The following CHD7 variants were observed in gnomAD, a reference collection of about 807,000 sequenced individuals.
The protein encoded by CHD7 is ATP-dependent chromatin remodeler CHD7.
Under a neutral mutation model 307.3 loss-of-function variants are expected in CHD7, and 24 were observed. The observed-to-expected ratio is 0.08, with a 90% confidence interval of 0.06 to 0.11. The LOEUF is 0.11. Among genes scored for constraint, CHD7 ranks in the 10% least tolerant of loss-of-function variants. The pLI is 1.00. For synonymous variants in CHD7, 1,363 were observed against 1,349.9 expected (o/e 1.01, Z -0.21); for missense variants, 3,106 against 3,727.1 (o/e 0.83, Z 4.34).
chr8:60,778,106 G>GT (rs1554588072), intron 2 of CHD7, among the ~76,000 whole-genome samples: 2 of 111,708 alleles, frequency 1.8e-5, no homozygotes, highest in South Asian at 3.5e-4. Context: ...GGGGGGTGGA[G>GT]GGGGGGACAT....
intron 1 of CHD7, among the ~76,000 whole-genome samples, chr8:60,732,869 T>A (rs2150564507): frequency 6.6e-6 from 1 of 152,306 alleles, no homozygotes; most frequent in East Asian, 1.9e-4. Context: ...AAGTTTTCAT[T>A]TACTTATTTC....
intron 37 of CHD7, 157 bp downstream of exon 37, chr8:60,862,809 T>TAATACATCATTTCTTACATG (rs71245526): frequency 1.9e-6 from 1 of 522,250 alleles, no homozygotes; most frequent in African/African-American, 1.9e-5. Context: ...CATACATCAT[T>TAATACATCATTTCTTACATG]AATACATCAT....
At chr8:60,690,264 T>C (rs1261105223) in intron 1 of CHD7, among the ~76,000 whole-genome samples, 1 of 152,224 alleles carries the variant, frequency 6.6e-6, no homozygotes, top group Non-Finnish European at 1.5e-5. Flanking sequence ...TGGTGTATTT[T>C]TGGATTTTGT....
intron 7 of CHD7, among the ~76,000 whole-genome samples, chr8:60,814,874 A>AT (rs1803652551): frequency 6.6e-6 from 1 of 152,116 alleles, no homozygotes; most frequent in Admixed American, 6.6e-5. Context: ...TGGATTTTGG[A>AT]TTTTTTCAAA....
In CHD7 at chr8:60,816,095, T is replaced by TTGTCTGTC. The variant is rs749460189; in HGVS notation, c.2499-278_2499-271dup. Among the ~76,000 whole-genome samples, 836 of 140,544 alleles carry TTGTCTGTC rather than the reference T, an allele frequency of 5.9e-3. 10 individuals are homozygous for TTGTCTGTC. Among genetic ancestry groups the TTGTCTGTC allele is most frequent in the African/African-American group, 0.021 (747 of 35,534 alleles). The allele number at this position is 140,544 out of a possible 152,430, so 92.2% of individuals were successfully genotyped here. On this transcript the variant is annotated intron_variant, in intron 7 of 37. Transcript: ENST00000423902. ...CCATTCTCTCTCTTCTCTGTCTCTTTTGTCTGTCTGTCTGTCTGTCTCTCT... is the reference window on the plus strand; with the variant it reads ...CCATTCTCTCTCTTCTCTGTCTCTTTTGTCTGTCTGTCTGTCTGTCTGTCTGTCTCTCT...
At position 60,853,477 on chromosome 8, in the gene CHD7, C is replaced by T. The variant is rs962039483; in HGVS notation, c.6752C>T (p.Ser2251Leu). ...EEEKLEDDDKSEESSQPEAGA... is the reference protein window; with the variant it reads ...EEEKLEDDDKLEESSQPEAGA... ...GAAAAGCTGGAGGATGACGATAAGT[C>T]GGAAGAGTCTTCCCAGCCCGAAGGT... The change falls in exon 31 of 38, where the codon TCG (serine) becomes TTG (leucine). Residue 2251 changes from serine to leucine, a missense_variant. By Grantham distance (145) the Ser-to-Leu change is moderately radical. Coordinates refer to ENST00000423902, the MANE Select transcript of CHD7 (RefSeq NM_017780.4). 4.0e-6 allele frequency: 6 copies of T among 1,514,890 alleles called. No individual in the cohort carries two copies. The highest frequency in any genetic ancestry group is 1.4e-5 in the South Asian group (1 of 72,872). The allele number at this position is 1,514,890 out of a possible 1,614,324, so 93.8% of individuals were successfully genotyped here. A position where few individuals can be genotyped will look rare whatever the true frequency, so the allele number is the denominator to read the frequency against.
chr8:60,822,041 T>A lies in CHD7; in HGVS notation c.2853T>A (p.Asp951Glu), dbSNP rs1804067183. The A allele has an allele frequency of 6.2e-7, 1 of 1,613,764 alleles. No individual in the cohort carries two copies. The highest frequency in any genetic ancestry group is 8.5e-7 in the Non-Finnish European group (1 of 1,179,826). Reference sequence around the variant, plus strand: ...TGAAACAGGAGCGACCTCCTGCTGATGATTGGAAGAAATCGGAGAGTTCCA... The same window carrying A: ...TGAAACAGGAGCGACCTCCTGCTGAAGATTGGAAGAAATCGGAGAGTTCCA... ...ETERVERPPA[D>E]DWKKSESSRE... The change falls in exon 11 of 38, where the codon GAT becomes GAA. Residue 951 changes from aspartate (D) to glutamate (E), a missense_variant. Around this residue, in one of 10 missense-constraint regions of CHD7, gnomAD observed 188 missense variants for 261.7 expected, o/e 0.72. Transcript: ENST00000423902.
chr8:60,764,058 G>T (rs916717724), intron 2 of CHD7, among the ~76,000 whole-genome samples: 1 of 152,046 alleles, frequency 6.6e-6, no homozygotes, highest in Non-Finnish European at 1.5e-5. Context: ...CACAATCTTG[G>T]CTCACTGCAA....
intron 2 of CHD7, among the ~76,000 whole-genome samples, chr8:60,768,456 G>A (rs571560095): frequency 2.6e-5 from 4 of 152,330 alleles, no homozygotes; most frequent in East Asian, 1.9e-4. Context: ...GCAGTGACTG[G>A]TGTACTTGGA....
intron 1 of CHD7, among the ~76,000 whole-genome samples, chr8:60,723,969 C>T (rs1333007537): frequency 6.6e-6 from 1 of 152,190 alleles, no homozygotes; most frequent in Non-Finnish European, 1.5e-5. Flanking sequence ...AGACCTGGGT[C>T]CTCACCTCCG....
At chr8:60,790,259 C>G (rs1229766303) in intron 3 of CHD7, among the ~76,000 whole-genome samples, 2 of 152,086 alleles carry the variant, frequency 1.3e-5, no homozygotes, top group Non-Finnish European at 2.9e-5. Flanking sequence ...TCTCTTTAGC[C>G]TCACAAGTGG....
At position 60,741,289 on chromosome 8, in the gene CHD7, A is replaced by G. The variant is rs1808988276; in HGVS notation, c.-144A>G. 1.5e-6 allele frequency: 1 copy of G among 676,190 alleles called. No individual in the cohort carries two copies. Among genetic ancestry groups the G allele is most frequent in the South Asian group, 2.0e-5 (1 of 49,654 alleles). The allele number at this position is 676,190 out of a possible 1,614,324, so 41.9% of individuals were successfully genotyped here. ...ATATCCAGACTTTGCCTGACACTGC[A>G]GGGTCCAAGAGAATTAAAGAAATAT... On this transcript the variant is annotated 5_prime_UTR_variant, in exon 2 of 38. Coordinates refer to ENST00000423902, the MANE Select transcript of CHD7 (RefSeq NM_017780.4).
intron 1 of CHD7, among the ~76,000 whole-genome samples, chr8:60,734,837 G>A (rs374961081): frequency 5.2e-4 from 79 of 152,252 alleles, no homozygotes; most frequent in Non-Finnish European, 8.5e-4. Context: ...AGCTATGGGA[G>A]GTCCTTTAAG....
chr8:60,827,194 C>T (rs1214290456), intron 13 of CHD7, among the ~76,000 whole-genome samples: 1 of 150,872 alleles, frequency 6.6e-6, no homozygotes, highest in Non-Finnish European at 1.5e-5. Flanking sequence ...CACATGTATA[C>T]ATATGTAACT....
chr8:60,715,899 G>A (rs1005484571), intron 1 of CHD7, among the ~76,000 whole-genome samples: 1 of 152,040 alleles, frequency 6.6e-6, no homozygotes. Context: ...AACTGTCCAC[G>A]CCCTGTGTCT....
At chr8:60,823,326 TTTATG>T (rs1403074053) in intron 12 of CHD7, among the ~76,000 whole-genome samples, 5 of 152,202 alleles carry the variant, frequency 3.3e-5, no homozygotes, top group Admixed American at 2.0e-4. Flanking sequence ...CTAAAATAGT[TTTATG>T]TTATGGGTAG....
intron 1 of CHD7, among the ~76,000 whole-genome samples, chr8:60,738,441 A>G (rs894522758): frequency 6.6e-6 from 1 of 152,212 alleles, no homozygotes; most frequent in East Asian, 1.9e-4. Flanking sequence ...AACAGTGTTC[A>G]TCTAGACACA....
intron 19 of CHD7, 49 bp downstream of exon 19, chr8:60,838,304 G>T: frequency 6.6e-7 from 1 of 1,510,316 alleles, no homozygotes; most frequent in Non-Finnish European, 9.0e-7. Flanking sequence ...GCATGACAGA[G>T]TTCATGTGAA....
intron 12 of CHD7, 83 bp from the exon 13 acceptor site, chr8:60,823,757 G>T: frequency 8.9e-7 from 1 of 1,118,258 alleles, no homozygotes; most frequent in Admixed American, 2.0e-5. Context: ...GGATAAATAC[G>T]TATGTTTTAT....
Sources: allele counts gnomAD v4.1 joint callset (sites outside exome capture counted in the v4.1 genomes callset), GRCh38; gene constraint gnomAD v4.1.1; regional missense constraint gnomAD v4.1.1; transcripts MANE v1.5; gene names NCBI Gene and HGNC (gene_info 2026-07-23, HGNC 2026-07-21).